The following EFCAB14 variants were observed in gnomAD, a reference collection of about 807,000 sequenced individuals.
EFCAB14 encodes the protein EF-hand calcium-binding domain-containing protein 14.
EFCAB14 carries 43 observed loss-of-function variants against 56.5 expected under a neutral mutation model. The ratio of observed to expected loss-of-function variants is 0.76; its 90% CI spans 0.60 to 0.98. EFCAB14 has a LOEUF of 0.98. EFCAB14 is among the 50% of genes least tolerant of loss of function. The pLI is 0.00. For synonymous variants in EFCAB14, 235 were observed against 212.9 expected (o/e 1.10, Z -0.90); for missense variants, 538 against 580.3 (o/e 0.93, Z 0.75).
At position 46,683,283 on chromosome 1, in the gene EFCAB14, G is replaced by T; in HGVS notation, c.1312+17C>A. ...CTTTGAACATTCCCATTACTACCCC[G>T]TGGTATAAAAATTTACCTTCAGTGC... On this transcript the variant is annotated intron_variant, in intron 10 of 10. Coordinates refer to ENST00000371933, the MANE Select transcript of EFCAB14 (RefSeq NM_014774.3). 6.2e-7 allele frequency: 1 copy of T among 1,609,500 alleles called. No homozygotes were observed. Among genetic ancestry groups the T allele is most frequent in the African/African-American group, 1.3e-5 (1 of 74,726 alleles).
Position 46,711,802 on chromosome 1 carries a change from C to T in EFCAB14, c.335-3751G>A, listed in dbSNP as rs577485583. Among the ~76,000 whole-genome samples, 99 of 152,190 alleles carry T rather than the reference C, an allele frequency of 6.5e-4. 1 individual carries two copies. In the South Asian group the frequency reaches 0.02, roughly 30 times the overall value. On this transcript the variant is annotated intron_variant, in intron 2 of 10. Transcript: ENST00000371933. ...CTGACAGCAATATTTTATATTTATA[C>T]AATGTCTTTCCAGTTTGCAATAAAC...
chr1:46,702,926 T>C (rs1432196555), intron 3 of EFCAB14, among the ~76,000 whole-genome samples: 1 of 152,232 alleles, frequency 6.6e-6, no homozygotes, highest in East Asian at 1.9e-4. Context: ...GTAGCTATAA[T>C]GAGTGACTAA....
In EFCAB14 at chr1:46,718,268, C is replaced by A; in HGVS notation, c.-181G>T. 1 of 573,916 alleles carries A rather than the reference C, an allele frequency of 1.7e-6. No individual in the cohort carries two copies. The highest frequency in any genetic ancestry group is 2.4e-5 in the South Asian group (1 of 40,916). 35.6% of individuals were successfully genotyped at this position (573,916 alleles called of 1,614,324 possible). A position where few individuals can be genotyped will look rare whatever the true frequency, so the allele number is the denominator to read the frequency against. ...CCGCCAGGGACTGGAGATTGGAGCCCAGAGGAAACTGGAACTCAGATGGGT... is the reference window on the plus strand; with the variant it reads ...CCGCCAGGGACTGGAGATTGGAGCCAAGAGGAAACTGGAACTCAGATGGGT... On this transcript the variant is annotated 5_prime_UTR_variant, in exon 1 of 11. Transcript: ENST00000371933.
In EFCAB14 at chr1:46,710,580, T is replaced by G. The variant is rs149002713; in HGVS notation, c.335-2529A>C. ...AATATATTTTTATTTTGTTTAGACA[T>G]GAGATCTCTGTTACCTAGGCTGGAA... On this transcript the variant is annotated intron_variant, in intron 2 of 10. Coordinates refer to ENST00000371933, the MANE Select transcript of EFCAB14 (RefSeq NM_014774.3). 1.3e-3 allele frequency among the ~76,000 whole-genome samples: 202 copies of G among 152,302 alleles called. No homozygotes were observed. The Middle Eastern group carries it at 0.014, about 10-fold the overall frequency.
At chr1:46,697,535 C>G (rs1474079574) in intron 3 of EFCAB14, among the ~76,000 whole-genome samples, 1 of 152,170 alleles carries the variant, frequency 6.6e-6, no homozygotes, top group African/African-American at 2.4e-5. Context: ...CACAGATCTA[C>G]CAATAGCAAT....
chr1:46,708,044 A>G lies in EFCAB14; in HGVS notation c.342T>C (p.Ser114=), dbSNP rs1334256353. 6.2e-7 allele frequency: 1 copy of G among 1,610,886 alleles called. No homozygotes were observed. Among genetic ancestry groups the G allele is most frequent in the East Asian group, 2.2e-5 (1 of 44,754 alleles). The change falls in exon 3 of 11, where the codon TCT becomes TCC. Residue 114 remains serine (S), a synonymous_variant. Transcript: ENST00000371933. ...TTTCTTGGAATGAGCTTTTCTGATT[A>G]GATTCCACTAAAAAGACAAAATAAG... ...ALKEKFRTME[S]NQKSSFQEIP...
chr1:46,678,696 AAGT>A, intron 10 of EFCAB14, 60 bp from the exon 11 acceptor site: 1 of 1,488,390 alleles, frequency 6.7e-7, no homozygotes, highest in Non-Finnish European at 9.1e-7. Flanking sequence ...ATTTAGTTAA[AAGT>A]AGTCTCAACT....
At position 46,702,564 on chromosome 1, in the gene EFCAB14, A is replaced by AT. The variant is rs1677173498; in HGVS notation, c.480+5341_480+5342insA. Among the ~76,000 whole-genome samples, 3 of 152,226 alleles carry AT rather than the reference A, an allele frequency of 2.0e-5. 1 individual carries two copies. The highest frequency in any genetic ancestry group is 7.2e-5 in the African/African-American group (3 of 41,438). On this transcript the variant is annotated intron_variant, in intron 3 of 10. Transcript: ENST00000371933. The stretch of plus-strand genomic sequence containing the variant: ...TTCTTAACTGTAAAATGGAGAGAAC[A>AT]CCTCCTACTTCATAGGACTGTAGAA...
At chr1:46,704,957 A>G (rs1463922496) in intron 3 of EFCAB14, among the ~76,000 whole-genome samples, 1 of 151,040 alleles carries the variant, frequency 6.6e-6, no homozygotes, top group Non-Finnish European at 1.5e-5. Context: ...AGTTCTCGTT[A>G]AGTGATATAA....
At chr1:46,696,094 T>C (rs894985923) in intron 4 of EFCAB14, among the ~76,000 whole-genome samples, 10 of 152,034 alleles carry the variant, frequency 6.6e-5, no homozygotes, top group Non-Finnish European at 1.2e-4. Context: ...ATTTTTGCAT[T>C]TCCCCAGGTC....
At chr1:46,687,109 A>C (rs558214619) in intron 7 of EFCAB14, among the ~76,000 whole-genome samples, 1 of 152,318 alleles carries the variant, frequency 6.6e-6, no homozygotes, top group Admixed American at 6.5e-5. Flanking sequence ...TGAAGGATAA[A>C]AGGTGGTAGA....
At chr1:46,692,547 T>A (rs1309842989) in intron 4 of EFCAB14, among the ~76,000 whole-genome samples, 1 of 152,128 alleles carries the variant, frequency 6.6e-6, no homozygotes, top group African/African-American at 2.4e-5. Flanking sequence ...TGCCCAACAA[T>A]GTTCTAAAAT....
chr1:46,682,317 G>A (rs1159249904), intron 10 of EFCAB14: 6 of 152,242 alleles, frequency 3.9e-5, no homozygotes, highest in African/African-American at 1.4e-4. Flanking sequence ...AAGAGCCAGA[G>A]GAAGGTGTGG....
At chr1:46,689,432 C>T (rs577425368) in intron 6 of EFCAB14, among the ~76,000 whole-genome samples, 155 bp downstream of exon 6, 3 of 152,178 alleles carry the variant, frequency 2.0e-5, no homozygotes, top group African/African-American at 4.8e-5. Context: ...TATGGATCCC[C>T]GAGATACCAA....
intron 2 of EFCAB14, among the ~76,000 whole-genome samples, chr1:46,709,495 G>A (rs928034703): frequency 2.0e-5 from 3 of 152,146 alleles, no homozygotes; most frequent in Admixed American, 6.6e-5. Context: ...ACGTGGTACT[G>A]TAACTTTACT....
intron 3 of EFCAB14, among the ~76,000 whole-genome samples, chr1:46,699,803 A>G (rs1025924775): frequency 1.3e-5 from 2 of 152,224 alleles, no homozygotes; most frequent in Admixed American, 6.5e-5. Flanking sequence ...TGACATAAGT[A>G]ACTTGCTTCT....
intron 7 of EFCAB14, among the ~76,000 whole-genome samples, chr1:46,687,193 A>G (rs1490486131): frequency 2.6e-5 from 4 of 152,154 alleles, no homozygotes; most frequent in African/African-American, 7.2e-5. Flanking sequence ...ACTATTACCT[A>G]TTTTCTCTGC....
At chr1:46,702,886 T>C (rs1366682014) in intron 3 of EFCAB14, among the ~76,000 whole-genome samples, 1 of 152,156 alleles carries the variant, frequency 6.6e-6, no homozygotes, top group Non-Finnish European at 1.5e-5. Flanking sequence ...CTGACTTACT[T>C]ATCTCTGGCC....
intron 4 of EFCAB14, among the ~76,000 whole-genome samples, chr1:46,696,060 C>T (rs1232358717): frequency 6.6e-6 from 1 of 151,722 alleles, no homozygotes; most frequent in Admixed American, 6.6e-5. Context: ...ATATCCTTGC[C>T]AACACTTGTT....
Sources: allele counts gnomAD v4.1 joint callset (sites outside exome capture counted in the v4.1 genomes callset), GRCh38; gene constraint gnomAD v4.1.1; transcripts MANE v1.5; gene names NCBI Gene and HGNC (gene_info 2026-07-23, HGNC 2026-07-21).